The following CYP26C1 variants were observed in gnomAD, a reference collection of about 807,000 sequenced individuals.
The protein encoded by CYP26C1 is cytochrome P450 26C1.
CYP26C1 carries 41 observed loss-of-function variants against 39.1 expected under a neutral mutation model. The ratio of observed to expected loss-of-function variants is 1.05; its 90% CI spans 0.82 to 1.36. The LOEUF is 1.36. CYP26C1 is among the 40% of genes most tolerant of loss of function. The pLI, the probability that CYP26C1 is intolerant of heterozygous loss-of-function variation, is 0.00. For missense variants in CYP26C1, 833 were observed against 752.0 expected, an observed-to-expected ratio of 1.11 and a Z score of -1.26; for synonymous variants, 362 against 350.8, an observed-to-expected ratio of 1.03 and a Z score of -0.36.
intron 3 of CYP26C1, chr10:93,063,361 T>A: frequency 1.9e-6 from 2 of 1,040,932 alleles, no homozygotes; most frequent in Non-Finnish European, 2.3e-6. Flanking sequence ...CTCCATCACC[T>A]CTTCGGAAGC....
At position 93,068,453 on chromosome 10, in the gene CYP26C1, GCGCCTCCAGC is replaced by G. The variant is rs762510585; in HGVS notation, c.1329_1338del (p.Ser445IlefsTer25). 1.9e-6 allele frequency: 3 copies of G among 1,611,628 alleles called. No individual in the cohort carries two copies. Among genetic ancestry groups the G allele is most frequent in the Non-Finnish European group, 2.5e-6 (3 of 1,179,434 alleles). On this transcript the variant is annotated frameshift_variant, in exon 6 of 6. Coordinates refer to ENST00000651965, the MANE Select transcript of CYP26C1 (RefSeq NM_183374.3). LOFTEE classifies it high-confidence loss of function. ...GGCGCAGCGCGCGAAGATTCCCGGG[GCGCCTCCAGC>G]CGCTTCCATTACATCCCGTTCGGCG...
Position 93,062,804 on chromosome 10 carries a change from T to C in CYP26C1, c.514T>C (p.Trp172Arg). The C allele has an allele frequency of 1.3e-6, 2 of 1,551,404 alleles. No individual in the cohort carries two copies. The highest frequency in any genetic ancestry group is 1.4e-5 in the African/African-American group (1 of 73,242). ...GGCGCTGCGGCATGAGGTGCGCTCCTGGTGCGCGGCGGGCGGGCCGGTCTC... is the reference window on the plus strand; with the variant it reads ...GGCGCTGCGGCATGAGGTGCGCTCCCGGTGCGCGGCGGGCGGGCCGGTCTC... ...QGALRHEVRSWCAAGGPVSVY... is the reference protein window; with the variant it reads ...QGALRHEVRSRCAAGGPVSVY... The change falls in exon 3 of 6, where the codon TGG becomes CGG. Residue 172 changes from tryptophan to arginine, a missense_variant. Transcript: ENST00000651965.
At chr10:93,063,358 A>C in intron 3 of CYP26C1, 1 of 1,039,008 alleles carries the variant, frequency 9.6e-7, no homozygotes, top group Admixed American at 5.7e-5. Flanking sequence ...GGCCTCCATC[A>C]CCTCTTCGGA....
intron 3 of CYP26C1, chr10:93,063,517 T>C: frequency 2.0e-6 from 2 of 985,992 alleles, no homozygotes; most frequent in Non-Finnish European, 2.4e-6. Context: ...CTGCTGCTTC[T>C]CCAGACTTCA....
chr10:93,063,080 C>T (rs886130314), intron 3 of CYP26C1, 85 bp downstream of exon 3: 1 of 1,478,230 alleles, frequency 6.8e-7, no homozygotes, highest in Non-Finnish European at 8.9e-7. Context: ...GCCCTCGGCG[C>T]ACCCCGCGCG....
intron 3 of CYP26C1, chr10:93,063,930 G>A (rs2134412604): frequency 3.0e-6 from 3 of 990,486 alleles, no homozygotes; most frequent in Non-Finnish European, 3.6e-6. Context: ...CTCTTACAGA[G>A]GCTAATGCTT....
intron 5 of CYP26C1, 31 bp from the exon 6 acceptor site, chr10:93,068,289 T>C: frequency 6.8e-7 from 1 of 1,480,604 alleles, no homozygotes; most frequent in Non-Finnish European, 9.0e-7. Flanking sequence ...AGGTGCCTCG[T>C]GGTCAGGCTG....
intron 5 of CYP26C1, among the ~76,000 whole-genome samples, chr10:93,067,242 T>G (rs996482160): frequency 6.6e-6 from 1 of 152,228 alleles, no homozygotes; most frequent in Non-Finnish European, 1.5e-5. Context: ...TGTGACAGCC[T>G]CATCCCACTT....
Position 93,062,101 on chromosome 10 carries a change from C to G in CYP26C1, c.296C>G (p.Ala99Gly). The G allele has an allele frequency of 6.4e-7, 1 of 1,568,266 alleles. No homozygotes were observed. Among genetic ancestry groups the G allele is most frequent in the Non-Finnish European group, 8.6e-7 (1 of 1,157,840 alleles). The stretch of plus-strand genomic sequence containing the variant: ...AGGCCAGTGATCCGCGTGAGCGGCG[C>G]GGAGAACGTGCGCACCATCCTGCTG... Reference protein sequence around the residue: ...LGRPVIRVSGAENVRTILLGE... With the variant: ...LGRPVIRVSGGENVRTILLGE... The change falls in exon 2 of 6, where the codon GCG becomes GGG. Residue 99 changes from alanine to glycine, a missense_variant. Coordinates refer to ENST00000651965, the MANE Select transcript of CYP26C1 (RefSeq NM_183374.3).
chr10:93,067,332 A>G (rs1038092581), intron 5 of CYP26C1, among the ~76,000 whole-genome samples: 2 of 152,204 alleles, frequency 1.3e-5, no homozygotes, highest in Non-Finnish European at 2.9e-5. Flanking sequence ...GAGCAGTGAA[A>G]GGTTTGGACG....
In CYP26C1 at chr10:93,064,493, G is replaced by A. The variant is rs774595394; in HGVS notation, c.818G>A (p.Ser273Asn). ...GATGCCCTCGACCTAATCATTCACA[G>A]TGCAAGGGAGCTGGGCCATGAGCCC... The part of the protein sequence containing the change: ...PGDALDLIIH[S>N]ARELGHEPSM... Residue 273 changes from serine to asparagine, a missense_variant, in exon 4 of 6, where the codon AGT (serine) becomes AAT (asparagine). By Grantham distance (46) the Ser-to-Asn change is conservative. Transcript: ENST00000651965. 1 of 1,614,092 alleles carries A rather than the reference G, an allele frequency of 6.2e-7. No individual in the cohort carries two copies. Among genetic ancestry groups the A allele is most frequent in the East Asian group, 2.2e-5 (1 of 44,866 alleles).
chr10:93,068,870 C>A lies in CYP26C1; in HGVS notation c.*173C>A. 1.7e-6 allele frequency: 2 copies of A among 1,147,114 alleles called. No individual in the cohort carries two copies. Among genetic ancestry groups the A allele is most frequent in the Non-Finnish European group, 2.3e-6 (2 of 864,054 alleles). 71.1% of individuals were successfully genotyped at this position (1,147,114 alleles called of 1,614,324 possible). The stretch of plus-strand genomic sequence containing the variant: ...TGCCGGACTCGAGGAAGGAGGAGGG[C>A]GAGCCACCGCTGCCGCGCCAGAGAA... On this transcript the variant is annotated 3_prime_UTR_variant, in exon 6 of 6. Transcript: ENST00000651965.
chr10:93,068,249 G>A, intron 5 of CYP26C1, 71 bp from the exon 6 acceptor site: 1 of 1,447,292 alleles, frequency 6.9e-7, no homozygotes, highest in Non-Finnish European at 9.1e-7. Context: ...GCACCAGGGT[G>A]GAGGGTCAGT....
At position 93,064,160 on chromosome 10, in the gene CYP26C1, A is replaced by AG. The variant is rs531914309; in HGVS notation, c.706-216dup. ...TGACAGTAACTCTGCTGTGGCTCAG[A>AG]GGGGGATTGTGATAATCAAGACAGA... On this transcript the variant is annotated intron_variant, in intron 3 of 5. Coordinates refer to ENST00000651965, the MANE Select transcript of CYP26C1 (RefSeq NM_183374.3). 1.3e-4 allele frequency: 175 copies of AG among 1,316,064 alleles called. No homozygotes were observed. In the African/African-American group the frequency reaches 2.0e-3, roughly 15 times the overall value. 81.5% of individuals were successfully genotyped at this position (1,316,064 alleles called of 1,614,324 possible).
In CYP26C1 at chr10:93,064,477, G is replaced by C; in HGVS notation, c.802G>C (p.Asp268His). 6.2e-7 allele frequency: 1 copy of C among 1,614,108 alleles called. No homozygotes were observed. Among genetic ancestry groups the C allele is most frequent in the Non-Finnish European group, 8.5e-7 (1 of 1,180,024 alleles). ...DKAAEPGDAL[D>H]LIIHSARELG... The stretch of plus-strand genomic sequence containing the variant: ...GGCTGCAGAGCCGGGTGATGCCCTC[G>C]ACCTAATCATTCACAGTGCAAGGGA... The change falls in exon 4 of 6, where the codon GAC (aspartate) becomes CAC (histidine). Residue 268 changes from aspartate to histidine, a missense_variant. Physicochemically the swap from Asp to His is moderately conservative, Grantham distance 81 (BLOSUM62 -1). Transcript: ENST00000651965.
chr10:93,067,169 C>T (rs1846839868), intron 5 of CYP26C1, among the ~76,000 whole-genome samples: 1 of 152,258 alleles, frequency 6.6e-6, no homozygotes, highest in South Asian at 2.1e-4. Flanking sequence ...TGGGATTCTA[C>T]CCTGGAGGGG....
chr10:93,063,786 G>A, intron 3 of CYP26C1: 1 of 983,990 alleles, frequency 1.0e-6, no homozygotes, highest in South Asian at 4.7e-5. Flanking sequence ...CCGTTAGTAG[G>A]GGCACGAACA....
rs1276511668 is a variant in CYP26C1 at position 93,061,078 on chromosome 10, A to C, written c.-186A>C. ...TTCCCTAAGGGCGCACGGTCACTGC[A>C]GTCTTTCACCGTCCGTCTGTTTTTA... On this transcript the variant is annotated 5_prime_UTR_variant, in exon 1 of 6. Coordinates refer to ENST00000651965, the MANE Select transcript of CYP26C1 (RefSeq NM_183374.3). 3 of 618,774 alleles carry C rather than the reference A, an allele frequency of 4.8e-6. No individual in the cohort carries two copies. The African/African-American group carries it at 5.7e-5, about 12-fold the overall frequency. 38.3% of individuals were successfully genotyped at this position (618,774 alleles called of 1,614,324 possible).
In CYP26C1 at chr10:93,061,470, G is replaced by T. The variant is rs1448164643; in HGVS notation, c.204+3G>T. 1 of 1,549,816 alleles carries T rather than the reference G, an allele frequency of 6.5e-7. No individual in the cohort carries two copies. Among genetic ancestry groups the T allele is most frequent in the Admixed American group, 2.0e-5 (1 of 51,086 alleles). ...AAACGCTGCACTGGTTAGTTCAGGT[G>T]AGCAGTCCTTCGACCCCGAGCGCTA... On this transcript the variant is annotated splice_donor_region_variant and intron_variant, in intron 1 of 5. Transcript: ENST00000651965.
Sources: gnomAD v4.1 joint callset for allele counts (sites outside exome capture counted in the v4.1 genomes callset) on GRCh38, gnomAD v4.1.1 for gene constraint, MANE v1.5 for transcripts, NCBI Gene and HGNC (gene_info 2026-07-23, HGNC 2026-07-21) for gene names.